The following NUDC variants were observed in gnomAD, a reference collection of about 807,000 sequenced individuals.
NUDC encodes nuclear migration protein nudC.
A neutral mutation model predicts 45.0 loss-of-function variants in NUDC; 14 were observed. The ratio of observed to expected loss-of-function variants is 0.31; its 90% CI spans 0.21 to 0.49. The LOEUF (loss-of-function observed/expected upper bound fraction) is 0.49, where lower values mean the gene tolerates loss of function less well. Among genes scored for constraint, NUDC ranks in the 20% least tolerant of loss-of-function variants. The pLI, the probability that NUDC is intolerant of heterozygous loss-of-function variation, is 0.99. For synonymous variants in NUDC, 153 were observed against 156.7 expected, an observed-to-expected ratio of 0.98 and a Z score of 0.17; for missense variants, 323 against 426.2, an observed-to-expected ratio of 0.76 and a Z score of 2.13.
At chr1:26,916,810 G>T (rs2082063993), upstream of NUDC, among the ~76,000 whole-genome samples, 1 of 152,172 alleles carries the variant, frequency 6.6e-6, no homozygotes, top group Non-Finnish European at 1.5e-5. Flanking sequence ...ACAAAAATTA[G>T]CTAGGTAGGT....
At chr1:26,945,357 C>T in intron 6 of NUDC, 33 bp from the exon 7 acceptor site, 1 of 1,586,240 alleles carries the variant, frequency 6.3e-7, no homozygotes, top group South Asian at 1.1e-5. Flanking sequence ...ACAGAGCAGG[C>T]CACCTCCCAC....
upstream of NUDC, among the ~76,000 whole-genome samples, chr1:26,918,572 CTT>C (rs1156337137): frequency 7.7e-5 from 10 of 129,306 alleles, no homozygotes; most frequent in Admixed American, 7.9e-5. Context: ...CCGCACCCAG[CTT>C]TTTTTTTTTT....
intron 2 of NUDC, among the ~76,000 whole-genome samples, chr1:26,932,676 A>G (rs1451560692): frequency 1.3e-5 from 2 of 152,180 alleles, no homozygotes; most frequent in Non-Finnish European, 2.9e-5. Context: ...ACTTACACTA[A>G]GAAACATATT....
In NUDC at chr1:26,941,794, C is replaced by T; in HGVS notation, c.405C>T (p.Gly135=). The stretch of plus-strand genomic sequence containing the variant: ...ATCATGAGGCCCAGCTCAAGAACGG[C>T]AGCCTTGACTCCCCAGGGAAGCAGG... ...AENHEAQLKN[G]SLDSPGKQDT... is the part of the protein sequence containing the mutation. Residue 135 remains glycine, a synonymous_variant, in exon 4 of 9, where the codon GGC becomes GGT. Transcript: ENST00000321265. 1.2e-6 allele frequency: 2 copies of T among 1,613,502 alleles called. No individual in the cohort carries two copies. The highest frequency in any genetic ancestry group is 1.7e-6 in the Non-Finnish European group (2 of 1,180,028).
At chr1:26,904,883 G>C (rs541926465) in intron 2 of NUDC, among the ~76,000 whole-genome samples, 49 of 146,592 alleles carry the variant, frequency 3.3e-4, no homozygotes, top group Non-Finnish European at 6.6e-4. Context: ...ACAGAGTCTT[G>C]CTCTGTCGCC....
At chr1:26,927,851 A>G (rs545768576) in intron 2 of NUDC, among the ~76,000 whole-genome samples, 18 of 152,204 alleles carry the variant, frequency 1.2e-4, no homozygotes, top group Non-Finnish European at 1.6e-4. Flanking sequence ...AAGGCAATAC[A>G]GTGCATATAA....
intron 2 of NUDC, among the ~76,000 whole-genome samples, chr1:26,938,330 G>A (rs2082250337): frequency 6.6e-6 from 1 of 152,170 alleles, no homozygotes; most frequent in Admixed American, 6.5e-5. Context: ...AGTACAAATG[G>A]GATGTGACAT....
At chr1:26,914,972 AATATAT>A (rs2082053577) in intron 3 of NUDC, among the ~76,000 whole-genome samples, 1 of 127,654 alleles carries the variant, frequency 7.8e-6, no homozygotes, top group Non-Finnish European at 1.7e-5. Context: ...GTCTCAAAAA[AATATAT>A]ATGTATATGT....
intron 2 of NUDC, among the ~76,000 whole-genome samples, chr1:26,937,752 A>G (rs1399103041): frequency 6.6e-6 from 1 of 151,998 alleles, no homozygotes; most frequent in Non-Finnish European, 1.5e-5. Context: ...TCCCAGGCTC[A>G]AGCAATCCCC....
At chr1:26,931,704 A>T (rs1048013820) in intron 2 of NUDC, among the ~76,000 whole-genome samples, 1 of 148,522 alleles carries the variant, frequency 6.7e-6, no homozygotes, top group Non-Finnish European at 1.5e-5. Flanking sequence ...GCTTGAACCC[A>T]GGAGTCAGAG....
At chr1:26,900,201 G>C (rs751027814), upstream of NUDC, 6 of 1,614,068 alleles carry the variant, frequency 3.7e-6, no homozygotes, top group African/African-American at 6.7e-5. Flanking sequence ...GGTGGCCGAA[G>C]TCTGAGAGAG....
chr1:26,902,581 C>A (rs1301930096), intron 2 of NUDC, among the ~76,000 whole-genome samples: 1 of 152,066 alleles, frequency 6.6e-6, no homozygotes, highest in Non-Finnish European at 1.5e-5. Flanking sequence ...TTGCAATAAT[C>A]CTTTCAAATA....
In NUDC at chr1:26,945,570, G is replaced by C; in HGVS notation, c.828G>C (p.Leu276=). The C allele has an allele frequency of 6.2e-7, 1 of 1,614,082 alleles. No individual in the cohort carries two copies. Among genetic ancestry groups the C allele is most frequent in the Non-Finnish European group, 8.5e-7 (1 of 1,179,910 alleles). ...TKKINPENSK[L]SDLDSETRSM... ...TTCCTGTCACTGCCTGCCCTCAGCT[G>C]TCAGACCTGGACAGTGAGACTCGCA... The change falls in exon 8 of 9, where the codon CTG becomes CTC. Residue 276 remains leucine, a splice_region_variant and synonymous_variant. Coordinates refer to ENST00000321265, the MANE Select transcript of NUDC (RefSeq NM_006600.4).
At chr1:26,943,364 C>T (rs1002872721) in intron 6 of NUDC, among the ~76,000 whole-genome samples, 12 of 152,056 alleles carry the variant, frequency 7.9e-5, no homozygotes, top group Non-Finnish European at 1.5e-4. Flanking sequence ...TACACCACCA[C>T]GCTCGGCTAA....
chr1:26,901,822 C>A lies in NUDC; in HGVS notation c.-100-460C>A, dbSNP rs547304666. 2.6e-5 allele frequency among the ~76,000 whole-genome samples: 4 copies of A among 152,192 alleles called. No individual in the cohort carries two copies. In the South Asian group the frequency reaches 8.3e-4, roughly 32 times the overall value. The stretch of plus-strand genomic sequence containing the variant: ...GAGGAACCTGTAGATTGAGAGACCT[C>A]AAACAAAAGCAAAAAATAAAGGGCC... On this transcript the variant is annotated intron_variant, in intron 1 of 6. Coordinates refer to the NUDC transcript ENST00000435827.
upstream of NUDC, among the ~76,000 whole-genome samples, chr1:26,921,041 A>G (rs1365162494): frequency 6.6e-6 from 1 of 152,204 alleles, no homozygotes; most frequent in East Asian, 1.9e-4. Flanking sequence ...TAACAGGGAT[A>G]GAGTTCCTGA....
At position 26,942,873 on chromosome 1, in the gene NUDC, G is replaced by A. The variant is rs777325642; in HGVS notation, c.549G>A (p.Leu183=). 1 of 1,613,784 alleles carries A rather than the reference G, an allele frequency of 6.2e-7. No individual in the cohort carries two copies. Among genetic ancestry groups the A allele is most frequent in the Non-Finnish European group, 8.5e-7 (1 of 1,180,034 alleles). The part of the protein sequence containing the change: ...RWTQTLSELD[L]AVPFCVNFRL... ...CTGACTGCCTCTGCCCTATGCAGCT[G>A]GCGGTCCCTTTCTGTGTGAACTTCC... Residue 183 remains leucine, a splice_region_variant and synonymous_variant, in exon 6 of 9, where the codon CTG becomes CTA. Transcript: ENST00000321265.
intron 2 of NUDC, among the ~76,000 whole-genome samples, chr1:26,939,772 C>G (rs80235125): frequency 0.024 from 3,677 of 152,242 alleles, 155 homozygotes; most frequent in African/African-American, 0.083. Flanking sequence ...AATTTCTGAT[C>G]CAGTAGATCT....
At chr1:26,901,482 G>A (rs1400425989) in intron 1 of NUDC, among the ~76,000 whole-genome samples, 1 of 140,652 alleles carries the variant, frequency 7.1e-6, no homozygotes, top group Non-Finnish European at 1.5e-5. Context: ...TCGGCTCACT[G>A]CAACCTCCGC....
Sources: gnomAD v4.1 joint callset for allele counts (sites outside exome capture counted in the v4.1 genomes callset) on GRCh38, gnomAD v4.1.1 for gene constraint, MANE v1.5 for transcripts, NCBI Gene and HGNC (gene_info 2026-07-23, HGNC 2026-07-21) for gene names.